Variants in FAM174A observed in about 807,000 individuals in gnomAD.
FAM174A encodes the protein membrane protein FAM174A.
A neutral mutation model predicts 14.3 loss-of-function variants in FAM174A; 14 were observed. The observed-to-expected ratio is 0.98, with a 90% CI of 0.65 to 1.53. The LOEUF is 1.53. Ranked by LOEUF, FAM174A falls within the 40% of genes most tolerant of loss-of-function variation. FAM174A has a pLI of 0.00. For missense variants in FAM174A, 241 were observed against 249.6 expected (o/e 0.97, Z 0.23); for synonymous variants, 108 against 111.4 (o/e 0.97, Z 0.19).
intron 1 of FAM174A, among the ~76,000 whole-genome samples, chr5:100,546,749 C>G (rs1034721049): frequency 2.0e-5 from 3 of 152,178 alleles, no homozygotes; most frequent in Non-Finnish European, 4.4e-5. Context: ...CATTGCAAAA[C>G]TATCCCAATT....
At chr5:100,583,804 T>G (rs1054710852) in intron 2 of FAM174A, among the ~76,000 whole-genome samples, 1 of 152,222 alleles carries the variant, frequency 6.6e-6, no homozygotes. Context: ...TAGCAGCATC[T>G]TCAATGGTAT....
chr5:100,540,564 G>A (rs563106014), intron 1 of FAM174A, among the ~76,000 whole-genome samples: 8 of 152,214 alleles, frequency 5.3e-5, no homozygotes, highest in Admixed American at 1.3e-4. Context: ...GTACTAGTTC[G>A]CAAGTAATGA....
At chr5:100,555,998 T>G (rs1303542981) in intron 1 of FAM174A, among the ~76,000 whole-genome samples, 2 of 152,248 alleles carry the variant, frequency 1.3e-5, no homozygotes, top group African/African-American at 4.8e-5. Flanking sequence ...TTTGGTGTTT[T>G]CGACATGAAG....
chr5:100,557,413 T>C (rs1746414620), intron 1 of FAM174A, among the ~76,000 whole-genome samples: 1 of 152,184 alleles, frequency 6.6e-6, no homozygotes, highest in African/African-American at 2.4e-5. Flanking sequence ...TTGTTGTGTC[T>C]CTGCCAGGCT....
intron 2 of FAM174A, among the ~76,000 whole-genome samples, chr5:100,573,878 A>G (rs1477713190): frequency 2.0e-5 from 3 of 151,886 alleles, no homozygotes; most frequent in African/African-American, 4.8e-5. Flanking sequence ...CAAAACAGAG[A>G]TATAGATCAA....
intron 2 of FAM174A, among the ~76,000 whole-genome samples, chr5:100,585,588 A>G (rs1747112406): frequency 6.6e-6 from 1 of 151,952 alleles, no homozygotes; most frequent in Non-Finnish European, 1.5e-5. Flanking sequence ...TAATTTTTGT[A>G]TTTTTAGTAG....
At chr5:100,580,128 T>G (rs929354321) in intron 2 of FAM174A, among the ~76,000 whole-genome samples, 3 of 152,180 alleles carry the variant, frequency 2.0e-5, no homozygotes, top group Non-Finnish European at 4.4e-5. Context: ...TCACTCAAAG[T>G]GACAACAATG....
rs1400101364 is a variant in FAM174A, at chr5:100,535,722, G to A, written c.192G>A (p.Gln64=). ...PPLPPGPTPA[Q]QPGRGLAEAA... ...TGCCACCGGGCCCTACCCCTGCCCA[G>A]CAGCCGGGCCGTGGTCTGGCTGAAG... The change falls in exon 1 of 3, where the codon CAG becomes CAA. Residue 64 remains glutamine (Q), a synonymous_variant. Coordinates refer to ENST00000312637, the MANE Select transcript of FAM174A (RefSeq NM_198507.3). 11 of 1,605,110 alleles carry A rather than the reference G, an allele frequency of 6.9e-6. No homozygotes were observed. The highest frequency in any genetic ancestry group is 9.3e-6 in the Non-Finnish European group (11 of 1,177,256).
Position 100,542,850 on chromosome 5 carries a change from G to A in FAM174A, c.434+6886G>A, listed in dbSNP as rs865979873. On this transcript the variant is annotated intron_variant, in intron 1 of 2. Coordinates refer to ENST00000312637, the MANE Select transcript of FAM174A (RefSeq NM_198507.3). ...TTATTATATTTATATATATATATGT[G>A]TGTGTGTGTGTGTGTATAATATTCA... Among the ~76,000 whole-genome samples the A allele has an allele frequency of 3.4e-3, 504 of 149,482 alleles. 1 individual carries two copies. The highest frequency in any genetic ancestry group is 0.017 in the Middle Eastern group (5 of 294).
chr5:100,535,581 C>T lies in FAM174A; in HGVS notation c.51C>T (p.Val17=), dbSNP rs760468322. 1.9e-6 allele frequency: 3 copies of T among 1,613,150 alleles called. No individual in the cohort carries two copies. Among genetic ancestry groups the T allele is most frequent in the South Asian group, 2.2e-5 (2 of 91,080 alleles). The change falls in exon 1 of 3, where the codon GTC becomes GTT. Residue 17 remains valine, a synonymous_variant. Coordinates refer to ENST00000312637, the MANE Select transcript of FAM174A (RefSeq NM_198507.3). ...GTCTCAGCCACCTCTTGGCTTCCGT[C>T]CTCCTCCTGCTGTTGCTGCCTGAAC... ...CCCLSHLLAS[V]LLLLLLPELS...
intron 1 of FAM174A, among the ~76,000 whole-genome samples, chr5:100,556,869 A>G (rs1170298238): frequency 2.0e-5 from 3 of 152,198 alleles, no homozygotes; most frequent in Non-Finnish European, 4.4e-5. Flanking sequence ...TTCTAGATAT[A>G]CAATCATGTC....
Position 100,562,096 on chromosome 5 carries a change from G to A in FAM174A, c.477G>A (p.Leu159=), listed in dbSNP as rs769004118. The change falls in exon 2 of 3, where the codon TTG becomes TTA. Residue 159 remains leucine, a synonymous_variant. Coordinates refer to ENST00000312637, the MANE Select transcript of FAM174A (RefSeq NM_198507.3). ...GAAAGACTAGGAGATATGGAGTTTT[G>A]GACACTAACATAGAAAATATGGAAT... ...RNRKTRRYGV[L]DTNIENMELT... is the part of the protein sequence containing the mutation. The A allele has an allele frequency of 1.3e-6, 2 of 1,587,242 alleles. No homozygotes were observed. Among genetic ancestry groups the A allele is most frequent in the South Asian group, 2.3e-5 (2 of 87,864 alleles).
chr5:100,584,342 C>A (rs1747080123), intron 2 of FAM174A, among the ~76,000 whole-genome samples: 1 of 151,874 alleles, frequency 6.6e-6, no homozygotes, highest in Non-Finnish European at 1.5e-5. Context: ...TCATTTGTGG[C>A]TTTTTTTTCC....
chr5:100,563,282 A>G lies in FAM174A; in HGVS notation c.569+1094A>G, dbSNP rs578122769. On this transcript the variant is annotated intron_variant, in intron 2 of 2. Coordinates refer to ENST00000312637, the MANE Select transcript of FAM174A (RefSeq NM_198507.3). ...TCACTTTCAATTAAAGACGCATATA[A>G]GATGAAAGAAAAGGGACAGAAACTG... Among the ~76,000 whole-genome samples the G allele has an allele frequency of 3.9e-5, 6 of 151,962 alleles. No individual in the cohort carries two copies. In the East Asian group the frequency reaches 1.2e-3, roughly 29 times the overall value.
chr5:100,536,225 G>C (rs1420075738), intron 1 of FAM174A, among the ~76,000 whole-genome samples: 9 of 152,160 alleles, frequency 5.9e-5, no homozygotes, highest in Non-Finnish European at 1.0e-4. Context: ...AGCCTCAAAG[G>C]GCACCCTTTC....
rs372543579 is a variant in FAM174A, at chr5:100,544,121, G to C, written c.434+8157G>C. On this transcript the variant is annotated intron_variant, in intron 1 of 2. Transcript: ENST00000312637. ...TTATGCCTGTAATCCCAGCATTTTGGGATTCTGAGGCAGGCAAACTGCTTG... is the reference window on the plus strand; with the variant it reads ...TTATGCCTGTAATCCCAGCATTTTGCGATTCTGAGGCAGGCAAACTGCTTG... Among the ~76,000 whole-genome samples, 16 of 152,200 alleles carry C rather than the reference G, an allele frequency of 1.1e-4. No homozygotes were observed. In the East Asian group the frequency reaches 1.2e-3, roughly 11 times the overall value.
intron 1 of FAM174A, among the ~76,000 whole-genome samples, chr5:100,544,691 A>G (rs1055787894): frequency 6.6e-6 from 1 of 152,090 alleles, no homozygotes; most frequent in Non-Finnish European, 1.5e-5. Context: ...ACAGGTGTAT[A>G]TTTGCATGTA....
chr5:100,575,408 C>G (rs907907786), intron 2 of FAM174A, among the ~76,000 whole-genome samples: 3 of 152,090 alleles, frequency 2.0e-5, no homozygotes, highest in East Asian at 1.9e-4. Flanking sequence ...TCTCTCCCCC[C>G]ACCGCATAAC....
At chr5:100,548,122 G>T (rs867521482) in intron 1 of FAM174A, among the ~76,000 whole-genome samples, 1 of 151,970 alleles carries the variant, frequency 6.6e-6, no homozygotes, top group Non-Finnish European at 1.5e-5. Context: ...TCATTTGTCC[G>T]AACTGCTTCA....
Sources: gnomAD v4.1 joint callset for allele counts (sites outside exome capture counted in the v4.1 genomes callset) on GRCh38, gnomAD v4.1.1 for gene constraint, MANE v1.5 for transcripts, NCBI Gene and HGNC (gene_info 2026-07-23, HGNC 2026-07-21) for gene names.